KIR3DL1: variants seen among roughly 807,000 people sequenced by gnomAD.
KIR3DL1 encodes killer cell immunoglobulin-like receptor 3DL1.
Under a neutral mutation model 40.3 loss-of-function variants are expected in KIR3DL1, and 50 were observed. The ratio of observed to expected loss-of-function variants is 1.24; its 90% confidence interval spans 0.99 to 1.57. KIR3DL1 has a LOEUF of 1.57. Ranked by LOEUF, KIR3DL1 falls within the 40% of genes most tolerant of loss-of-function variation. The pLI, the probability that KIR3DL1 is intolerant of heterozygous loss-of-function variation, is 0.00. For synonymous variants in KIR3DL1, 257 were observed against 207.2 expected (o/e 1.24, Z -2.07); for missense variants, 661 against 559.9 (o/e 1.18, Z -1.82).
In KIR3DL1 at chr19:54,820,118, A is replaced by G. The variant is rs2061562569; in HGVS notation, c.655+106A>G. The G allele has an allele frequency of 2.7e-5, 33 of 1,241,956 alleles. 3 individuals are homozygous for G. In the South Asian group the frequency reaches 4.2e-4, roughly 16 times the overall value. 76.9% of individuals were successfully genotyped at this position (1,241,956 alleles called of 1,614,324 possible). On this transcript the variant is annotated intron_variant, in intron 4 of 8. Coordinates refer to ENST00000391728, the Ensembl canonical transcript of KIR3DL1. ...TGAGGAAGATAAGTGTGGGATTCTT[A>G]TGGAAAGAGAGTGACTTGGTGAGGT...
chr19:54,821,946 C>G (rs2061663024), intron 5 of KIR3DL1, 88 bp downstream of exon 5: 2 of 1,450,408 alleles, frequency 1.4e-6, no homozygotes, highest in African/African-American at 2.9e-5. Context: ...AAAGCATGGA[C>G]AGATGCAGAG....
intron 6 of KIR3DL1, among the ~76,000 whole-genome samples, chr19:54,827,490 T>C (rs1276964358): frequency 1.3e-5 from 2 of 150,494 alleles, no homozygotes; most frequent in African/African-American, 5.0e-5. Flanking sequence ...TGCATCCCTG[T>C]AATCCCAGCT....
intron 6 of KIR3DL1, among the ~76,000 whole-genome samples, chr19:54,825,292 C>T (rs2061826795): frequency 1.3e-5 from 2 of 150,860 alleles, no homozygotes; most frequent in Admixed American, 1.3e-4. Context: ...GTGAGACCTC[C>T]TACAAGCTAG....
At position 54,829,261 on chromosome 19, in the gene KIR3DL1, A is replaced by T. The variant is rs561568349; in HGVS notation, c.1001-100A>T. 2.2e-5 allele frequency: 23 copies of T among 1,024,246 alleles called. 6 individuals are homozygous for T. In the South Asian group the frequency reaches 3.3e-4, roughly 15 times the overall value. 63.4% of individuals were successfully genotyped at this position (1,024,246 alleles called of 1,614,324 possible). ...CGCCATCTGGGTGCTTGTCCGAAAGAGATGCTGTAAGTGGTTACCTGTCAA... is the reference window on the plus strand; with the variant it reads ...CGCCATCTGGGTGCTTGTCCGAAAGTGATGCTGTAAGTGGTTACCTGTCAA... On this transcript the variant is annotated intron_variant, in intron 6 of 8. Coordinates refer to ENST00000391728, the Ensembl canonical transcript of KIR3DL1.
intron 5 of KIR3DL1, among the ~76,000 whole-genome samples, chr19:54,824,724 G>A (rs1180226365): frequency 2.7e-5 from 4 of 150,334 alleles, no homozygotes; most frequent in African/African-American, 9.9e-5. Flanking sequence ...GATTATATCT[G>A]TGTTCTCCAT....
chr19:54,823,382 T>C (rs1220879607), intron 5 of KIR3DL1, among the ~76,000 whole-genome samples: 1 of 151,396 alleles, frequency 6.6e-6, no homozygotes, highest in Non-Finnish European at 1.5e-5. Flanking sequence ...TCCATAATAG[T>C]TGTACTAATT....
At chr19:54,826,838 AG>A in intron 6 of KIR3DL1, among the ~76,000 whole-genome samples, 1 of 151,552 alleles carries the variant, frequency 6.6e-6, no homozygotes, top group Non-Finnish European at 1.5e-5. Context: ...GCTGGGAATG[AG>A]GTGGGGAGAA....
chr19:54,819,841 A>G lies in KIR3DL1; in HGVS notation c.484A>G (p.Lys162Glu), dbSNP rs74799106. 2.3e-3 allele frequency: 3,728 copies of G among 1,611,830 alleles called. 124 individuals are homozygous for G. The highest frequency in any genetic ancestry group is 0.023 in the African/African-American group (1,689 of 74,454). Residue 162 changes from lysine (K) to glutamate (E), a missense_variant, in exon 4 of 9, where the codon AAG (lysine) becomes GAG (glutamate). Physicochemically the swap from Lys to Glu is moderately conservative, Grantham distance 56 (BLOSUM62 1). This residue lies in a region of KIR3DL1 where 548 missense variants were observed against 413.3 expected (regional missense o/e 1.33). Coordinates refer to ENST00000391728, the Ensembl canonical transcript of KIR3DL1. Reference sequence around the variant, plus strand: ...CTTTCTGCACAAAGAGGGGATCTCTAAGGACCCCTCACGCCTCGTTGGACA... The same window carrying G: ...CTTTCTGCACAAAGAGGGGATCTCTGAGGACCCCTCACGCCTCGTTGGACA...
chr19:54,819,534 A>G (rs574543691), intron 3 of KIR3DL1, among the ~76,000 whole-genome samples, 179 bp from the exon 4 acceptor site: 2,797 of 151,310 alleles, frequency 0.018, 91 homozygotes, highest in Non-Finnish European at 0.029. Context: ...AGGGACAGAG[A>G]AGAGGGAGGA....
Position 54,821,673 on chromosome 19 carries a change from T to G in KIR3DL1, c.764T>G (p.Leu255Arg), listed in dbSNP as rs2061644169. ...CGGAGCTCCTATGACATGTACCATC[T>G]ATCCAGGGAGGGGGGAGCCCATGAA... is the stretch of plus-strand genomic sequence containing the variant. Residue 255 changes from leucine to arginine, a missense_variant, in exon 5 of 9, where the codon CTA becomes CGA. By Grantham distance (102) the Leu-to-Arg change is moderately radical. Around this residue, in one of 3 missense-constraint regions of KIR3DL1, gnomAD observed 548 missense variants for 413.3 expected, o/e 1.33. Transcript: ENST00000391728. The G allele has an allele frequency of 7.5e-6, 12 of 1,609,838 alleles. No homozygotes were observed. The highest frequency in any genetic ancestry group is 9.3e-6 in the Non-Finnish European group (11 of 1,178,092).
At position 54,830,334 on chromosome 19, in the gene KIR3DL1, C is replaced by G. The variant is rs613815; in HGVS notation, c.*59C>G. ...GGAGACAACAGCCCTGTCTCAAAAC[C>G]GAGTTGCCAGCTCCCATGTACCAGC... On this transcript the variant is annotated 3_prime_UTR_variant, in exon 9 of 9. Coordinates refer to ENST00000391728, the Ensembl canonical transcript of KIR3DL1. 8.8e-6 allele frequency: 13 copies of G among 1,476,828 alleles called. 2 individuals are homozygous for G. The highest frequency in any genetic ancestry group is 1.1e-5 in the Non-Finnish European group (12 of 1,080,642). 91.5% of individuals were successfully genotyped at this position (1,476,828 alleles called of 1,614,324 possible). A position where few individuals can be genotyped will look rare whatever the true frequency, so the allele number is the denominator to read the frequency against.
intron 8 of KIR3DL1, 59 bp from the exon 9 acceptor site, chr19:54,830,040 G>T: frequency 6.6e-7 from 1 of 1,521,904 alleles, no homozygotes; most frequent in South Asian, 1.3e-5. Context: ...CCTGGAAAAC[G>T]TGAGCACCCT....
At chr19:54,816,663 G>GGCCTGGAGTGGAGATCTGC in intron 1 of KIR3DL1, 129 bp downstream of exon 1, 1 of 1,404,910 alleles carries the variant, frequency 7.1e-7, no homozygotes, top group Non-Finnish European at 9.8e-7. Flanking sequence ...TGGAGATCTG[G>GGCCTGGAGTGGAGATCTGC]GCCTGGAGTG....
chr19:54,821,163 G>A (rs1162771356), intron 4 of KIR3DL1, among the ~76,000 whole-genome samples: 1 of 149,866 alleles, frequency 6.7e-6, no homozygotes, highest in Admixed American at 6.7e-5. Context: ...TTGATAGAGA[G>A]ATAGATAAGT....
chr19:54,828,278 A>T (rs1601427875), intron 6 of KIR3DL1, among the ~76,000 whole-genome samples: 1 of 151,300 alleles, frequency 6.6e-6, no homozygotes, highest in East Asian at 1.9e-4. Flanking sequence ...TTAACTCAAG[A>T]ATGCCGTGGA....
exon 5 of KIR3DL1, chr19:54,821,567 C>A: frequency 1.2e-6 from 2 of 1,605,298 alleles, no homozygotes; most frequent in Non-Finnish European, 1.7e-6. Flanking sequence ...CCTTCCAGGT[C>A]CATATGAGAA....
exon 3 of KIR3DL1, chr19:54,818,475 G>A: frequency 6.2e-7 from 1 of 1,609,904 alleles, no homozygotes; most frequent in Non-Finnish European, 8.5e-7. Context: ...GAATATTCCA[G>A]GAGAGCTTCA....
At chr19:54,824,632 C>T (rs1424374458) in intron 5 of KIR3DL1, among the ~76,000 whole-genome samples, 1 of 151,264 alleles carries the variant, frequency 6.6e-6, no homozygotes, top group South Asian at 2.1e-4. Context: ...GCTGAGATTG[C>T]ACCTCTGCAC....
chr19:54,823,192 G>A (rs1361424666), intron 5 of KIR3DL1, among the ~76,000 whole-genome samples: 1 of 150,828 alleles, frequency 6.6e-6, no homozygotes, highest in Non-Finnish European at 1.5e-5. Context: ...ACGCCACCAT[G>A]CCTGGCTAAT....
Sources: gnomAD v4.1 joint callset for allele counts (sites outside exome capture counted in the v4.1 genomes callset) on GRCh38, gnomAD v4.1.1 for gene constraint, gnomAD v4.1.1 regional missense constraint, MANE v1.5 for transcripts, NCBI Gene and HGNC (gene_info 2026-07-23, HGNC 2026-07-21) for gene names.